Variants in ZNF536 observed in about 807,000 individuals in gnomAD.
The protein encoded by ZNF536 is zinc finger protein 536.
ZNF536 carries 13 observed loss-of-function variants against 84.5 expected under a neutral mutation model. The observed-to-expected ratio is 0.15, with a 90% CI of 0.10 to 0.24. The LOEUF is 0.24. ZNF536 is among the 10% of genes least tolerant of loss of function. The probability of loss-of-function intolerance (pLI) is 1.00; values close to 1 mark genes in which losing one functional copy is unlikely to be tolerated. For synonymous variants in ZNF536, 811 were observed against 742.5 expected (o/e 1.09, Z -1.50); for missense variants, 1,536 against 1,747.5 (o/e 0.88, Z 2.16).
At position 30,557,199 on chromosome 19, in the gene ZNF536, C is replaced by T. The variant is rs2146373527; in HGVS notation, c.*35C>T. On this transcript the variant is annotated 3_prime_UTR_variant, in exon 5 of 5. Transcript: ENST00000355537. ...TCCTAGTCGGTCTATCTGGACTTGC[C>T]CTTGTCTGTTCGTGGTCCTCGGTGG... The T allele has an allele frequency of 6.2e-7, 1 of 1,612,038 alleles. No homozygotes were observed. Among genetic ancestry groups the T allele is most frequent in the Non-Finnish European group, 8.5e-7 (1 of 1,178,790 alleles).
chr19:30,662,203 G>A (rs1038269600), intron 1 of ZNF536, among the ~76,000 whole-genome samples: 1 of 152,128 alleles, frequency 6.6e-6, no homozygotes, highest in African/African-American at 2.4e-5. Context: ...CCCAGAAGAC[G>A]GTCATAATCA....
chr19:30,271,299 CTTTTTTTTTT>C (rs781528411), intron 1 of ZNF536, among the ~76,000 whole-genome samples: 2 of 111,842 alleles, frequency 1.8e-5, no homozygotes, highest in Non-Finnish European at 3.4e-5. Flanking sequence ...TTTTTCTTTT[CTTTTTTTTTT>C]TTTTTTTTTT....
upstream of ZNF536, among the ~76,000 whole-genome samples, chr19:30,369,930 C>T (rs2048557001): frequency 6.6e-6 from 1 of 152,102 alleles, no homozygotes. Flanking sequence ...TTAGCTAGCT[C>T]CTGGATCCAA....
rs527778475 is a variant in ZNF536, at chr19:30,704,097, C to T, written c.170-6660C>T. On this transcript the variant is annotated intron_variant, in intron 1 of 1. Transcript: ENST00000592773. ...CCAAAGGCCATCCTGGAGTGTGGTGCTTCTTAGCAAGTTCAACTTGGGAGA... is the reference window on the plus strand; with the variant it reads ...CCAAAGGCCATCCTGGAGTGTGGTGTTTCTTAGCAAGTTCAACTTGGGAGA... 2.6e-5 allele frequency among the ~76,000 whole-genome samples: 4 copies of T among 152,274 alleles called. No individual in the cohort carries two copies. In the South Asian group the frequency reaches 6.2e-4, roughly 24 times the overall value.
At chr19:30,293,475 G>C (rs1361006165) in intron 2 of ZNF536, among the ~76,000 whole-genome samples, 1 of 152,178 alleles carries the variant, frequency 6.6e-6, no homozygotes, top group Non-Finnish European at 1.5e-5. Context: ...CTCAGGCAAA[G>C]AGATTGTGGT....
chr19:30,696,216 C>T (rs889384098), intron 1 of ZNF536, among the ~76,000 whole-genome samples: 10 of 152,266 alleles, frequency 6.6e-5, no homozygotes, highest in East Asian at 1.9e-4. Flanking sequence ...AAGCACCTCT[C>T]CCCCAGCCCC....
At chr19:30,337,506 C>A (rs1040073205) in intron 2 of ZNF536, among the ~76,000 whole-genome samples, 4 of 152,180 alleles carry the variant, frequency 2.6e-5, no homozygotes, top group African/African-American at 9.7e-5. Flanking sequence ...AAAGCCCAAG[C>A]AGCCTCCCTG....
intron 1 of ZNF536, among the ~76,000 whole-genome samples, chr19:30,388,514 G>A (rs72623837): frequency 0.07 from 10,658 of 152,190 alleles, 471 homozygotes; most frequent in Middle Eastern, 0.15. Flanking sequence ...CCCAGCGGTG[G>A]CCATGCCCGG....
chr19:30,709,799 T>C (rs1227526677), intron 1 of ZNF536, among the ~76,000 whole-genome samples: 1 of 152,126 alleles, frequency 6.6e-6, no homozygotes, highest in Non-Finnish European at 1.5e-5. Flanking sequence ...AAATTTTTTT[T>C]GTACAGACAG....
intron 2 of ZNF536, among the ~76,000 whole-genome samples, chr19:30,493,352 C>T (rs2054588045): frequency 6.6e-6 from 1 of 152,092 alleles, no homozygotes; most frequent in Admixed American, 6.5e-5. Context: ...CATGCCCATG[C>T]AGAGAACGAG....
intron 2 of ZNF536, among the ~76,000 whole-genome samples, chr19:30,299,403 T>G (rs1233218790): frequency 6.6e-6 from 1 of 152,188 alleles, no homozygotes; most frequent in Non-Finnish European, 1.5e-5. Flanking sequence ...CCAGTGACTC[T>G]TTGATGCAAT....
At chr19:30,286,233 T>C (rs890392990) in intron 2 of ZNF536, among the ~76,000 whole-genome samples, 5 of 152,208 alleles carry the variant, frequency 3.3e-5, no homozygotes, top group Non-Finnish European at 7.3e-5. Context: ...ATTATTGTAG[T>C]GCGGGCGAGA....
downstream of ZNF536, among the ~76,000 whole-genome samples, chr19:30,558,431 C>T (rs576452365): frequency 3.7e-4 from 57 of 152,280 alleles, no homozygotes; most frequent in African/African-American, 1.3e-3. Context: ...CGGAGTATGC[C>T]GGCCATCATG....
chr19:30,622,981 CTCTCTG>C (rs1201736134), intron 1 of ZNF536, among the ~76,000 whole-genome samples: 1 of 150,620 alleles, frequency 6.6e-6, no homozygotes, highest in Non-Finnish European at 1.5e-5. Flanking sequence ...TTAACAGCAG[CTCTCTG>C]TCCTTCTGGT....
At chr19:30,683,446 C>T (rs913304546) in intron 1 of ZNF536, among the ~76,000 whole-genome samples, 1 of 152,146 alleles carries the variant, frequency 6.6e-6, no homozygotes, top group African/African-American at 2.4e-5. Flanking sequence ...AGAGCTGTTT[C>T]TATGATTGCG....
In ZNF536 at chr19:30,250,737, G is replaced by A. The variant is rs148310540; in HGVS notation, c.-190+22064G>A. On this transcript the variant is annotated intron_variant, in intron 1 of 5. Coordinates refer to the ZNF536 transcript ENST00000585628. ...CTAAGACAACTACGATTCCTCTTCTGTCTATACCACTCCCCCCATATGATT... is the reference window on the plus strand; with the variant it reads ...CTAAGACAACTACGATTCCTCTTCTATCTATACCACTCCCCCCATATGATT... Among the ~76,000 whole-genome samples, 172 of 152,034 alleles carry A rather than the reference G, an allele frequency of 1.1e-3. 3 individuals are homozygous for A. In the East Asian group the frequency reaches 0.033, roughly 29 times the overall value.
chr19:30,326,723 C>T (rs2047038969), intron 2 of ZNF536, among the ~76,000 whole-genome samples: 1 of 139,490 alleles, frequency 7.2e-6, no homozygotes, highest in Non-Finnish European at 1.5e-5. Flanking sequence ...GAAGGATTTG[C>T]TGTACAAATG....
intron 3 of ZNF536, among the ~76,000 whole-genome samples, chr19:30,363,291 C>T (rs2048331445): frequency 6.6e-6 from 1 of 152,182 alleles, no homozygotes; most frequent in Non-Finnish European, 1.5e-5. Flanking sequence ...TCAGTTAGCA[C>T]TGAAGTCTGG....
In ZNF536 at chr19:30,249,344, A is replaced by G. The variant is rs1458302119; in HGVS notation, c.-190+20671A>G. ...TATAAACAGGAAAAGAAGGAGAAGG[A>G]GGAGAAGGAGGAGGGGGAGGGGGAC... is the stretch of plus-strand genomic sequence containing the variant. On this transcript the variant is annotated intron_variant, in intron 1 of 5. Coordinates refer to the ZNF536 transcript ENST00000585628. 2.2e-5 allele frequency among the ~76,000 whole-genome samples: 3 copies of G among 133,390 alleles called. No homozygotes were observed. In the East Asian group the frequency reaches 7.4e-4, roughly 33 times the overall value. The allele number at this position is 133,390 out of a possible 152,430, so 87.5% of individuals were successfully genotyped here. A position where few individuals can be genotyped will look rare whatever the true frequency, so the allele number is the denominator to read the frequency against.
Sources: gnomAD v4.1 joint callset for allele counts (sites outside exome capture counted in the v4.1 genomes callset) on GRCh38, gnomAD v4.1.1 for gene constraint, MANE v1.5 for transcripts, NCBI Gene and HGNC (gene_info 2026-07-23, HGNC 2026-07-21) for gene names.